Variants in TBPL2 observed in about 807,000 individuals in gnomAD.
TBPL2 encodes the protein TATA-box binding protein like 2, also known as TATA box-binding protein-like 2.
Under a neutral mutation model 38.2 loss-of-function variants are expected in TBPL2, and 40 were observed. The ratio of observed to expected loss-of-function variants is 1.05; its 90% CI spans 0.81 to 1.36. The LOEUF (loss-of-function observed/expected upper bound fraction) is 1.36, where lower values mean the gene tolerates loss of function less well. TBPL2 is among the 40% of genes most tolerant of loss of function. The probability of loss-of-function intolerance (pLI) is 0.00; values close to 1 mark genes in which losing one functional copy is unlikely to be tolerated. For synonymous variants in TBPL2, 169 were observed against 171.7 expected (o/e 0.98, Z 0.12); for missense variants, 461 against 456.7 (o/e 1.01, Z -0.09).
intron 5 of TBPL2, among the ~76,000 whole-genome samples, chr14:55,425,313 C>T (rs1426142636): frequency 6.6e-6 from 1 of 152,116 alleles, no homozygotes; most frequent in Non-Finnish European, 1.5e-5. Flanking sequence ...AGGGGGAGCC[C>T]TGAAAAACCC....
At chr14:55,425,284 C>A (rs1046061689) in intron 5 of TBPL2, among the ~76,000 whole-genome samples, 6 of 152,154 alleles carry the variant, frequency 3.9e-5, no homozygotes, top group Admixed American at 6.5e-5. Context: ...CTTCCCAACA[C>A]TGGGGAGACC....
intron 1 of TBPL2, among the ~76,000 whole-genome samples, chr14:55,437,554 T>G (rs1260439012): frequency 1.3e-5 from 2 of 152,246 alleles, no homozygotes; most frequent in Non-Finnish European, 2.9e-5. Flanking sequence ...AAAAGCATTC[T>G]TCATAAACTA....
chr14:55,430,333 C>A (rs1031869999), intron 4 of TBPL2, among the ~76,000 whole-genome samples: 1 of 151,592 alleles, frequency 6.6e-6, no homozygotes, highest in East Asian at 1.9e-4. Flanking sequence ...ACACTGCCCC[C>A]TCTTGGGTAT....
chr14:55,423,678 T>A (rs528043395), intron 6 of TBPL2, among the ~76,000 whole-genome samples: 1 of 152,330 alleles, frequency 6.6e-6, no homozygotes, highest in South Asian at 2.1e-4. Context: ...GATATGAAAT[T>A]CACATTTCAG....
At chr14:55,427,590 T>G (rs772035771) in intron 5 of TBPL2, among the ~76,000 whole-genome samples, 5 of 152,074 alleles carry the variant, frequency 3.3e-5, no homozygotes, top group Non-Finnish European at 7.4e-5. Context: ...CATCTGTGAT[T>G]AACCCAGGCC....
chr14:55,421,084 A>G (rs910587688), intron 6 of TBPL2, among the ~76,000 whole-genome samples: 10 of 151,824 alleles, frequency 6.6e-5, no homozygotes, highest in Non-Finnish European at 1.3e-4. Context: ...AAAAAGAAAA[A>G]AGAAATTTGG....
chr14:55,417,093 T>A (rs1212035250), intron 6 of TBPL2, among the ~76,000 whole-genome samples: 1 of 152,296 alleles, frequency 6.6e-6, no homozygotes, highest in African/African-American at 2.4e-5. Flanking sequence ...GATCATTATA[T>A]CATAGAGAAA....
chr14:55,429,271 G>A (rs1024776532), intron 4 of TBPL2, among the ~76,000 whole-genome samples: 1 of 152,204 alleles, frequency 6.6e-6, no homozygotes, highest in Non-Finnish European at 1.5e-5. Flanking sequence ...CGATTCCAAG[G>A]ATTCGCAAAG....
chr14:55,437,323 C>T (rs1184665456), intron 1 of TBPL2, among the ~76,000 whole-genome samples: 1 of 152,206 alleles, frequency 6.6e-6, no homozygotes, highest in Non-Finnish European at 1.5e-5. Context: ...ACTAAAAATG[C>T]AAAAATTAGC....
At chr14:55,425,709 A>G (rs1885810925) in intron 5 of TBPL2, among the ~76,000 whole-genome samples, 1 of 152,086 alleles carries the variant, frequency 6.6e-6, no homozygotes, top group Non-Finnish European at 1.5e-5. Flanking sequence ...CCCCAAGAAA[A>G]TCTTCCTTGA....
chr14:55,416,425 C>A (rs1376456936), intron 6 of TBPL2, among the ~76,000 whole-genome samples: 2 of 151,112 alleles, frequency 1.3e-5, no homozygotes, highest in African/African-American at 4.9e-5. Flanking sequence ...CACCCTGTCT[C>A]CATAAAAATA....
chr14:55,433,982 A>G (rs1885975750), intron 3 of TBPL2, among the ~76,000 whole-genome samples: 2 of 152,202 alleles, frequency 1.3e-5, no homozygotes, highest in African/African-American at 4.8e-5. Context: ...GATAGGATGA[A>G]CTTGTGTTTA....
At chr14:55,433,388 A>T (rs1885963703) in intron 4 of TBPL2, among the ~76,000 whole-genome samples, 1 of 148,658 alleles carries the variant, frequency 6.7e-6, no homozygotes, top group African/African-American at 2.5e-5. Flanking sequence ...CCTGGGCTCA[A>T]GCGATCCTCC....
chr14:55,432,716 A>G (rs1319620788), intron 4 of TBPL2, among the ~76,000 whole-genome samples: 2 of 152,222 alleles, frequency 1.3e-5, no homozygotes, highest in African/African-American at 4.8e-5. Context: ...ATGAACACTT[A>G]GTACATTTAT....
At chr14:55,423,049 C>G (rs1885769232) in intron 6 of TBPL2, among the ~76,000 whole-genome samples, 1 of 151,864 alleles carries the variant, frequency 6.6e-6, no homozygotes, top group Non-Finnish European at 1.5e-5. Context: ...ATAGTAAACT[C>G]AAATCCCGAG....
At chr14:55,433,020 A>T (rs1311759770) in intron 4 of TBPL2, among the ~76,000 whole-genome samples, 1 of 152,220 alleles carries the variant, frequency 6.6e-6, no homozygotes. Flanking sequence ...AACACACTTC[A>T]TCATTACTGT....
At chr14:55,430,875 C>T (rs1481137756) in intron 4 of TBPL2, among the ~76,000 whole-genome samples, 2 of 152,168 alleles carry the variant, frequency 1.3e-5, no homozygotes, top group Non-Finnish European at 2.9e-5. Context: ...TATTACATTT[C>T]CCGTAATGTA....
At chr14:55,439,982 C>A (rs1050521070) in intron 1 of TBPL2, among the ~76,000 whole-genome samples, 1 of 145,624 alleles carries the variant, frequency 6.9e-6, no homozygotes, top group Non-Finnish European at 1.5e-5. Flanking sequence ...TGCCTGAAAT[C>A]CCAGCTACAC....
chr14:55,428,698 C>CT (rs571276199), intron 5 of TBPL2, 109 bp downstream of exon 5: 45,426 of 932,314 alleles, frequency 0.049, 56 homozygotes, highest in South Asian at 0.051. Context: ...TGTCCCCCGC[C>CT]TTTTTTTTTT....
Sources: allele counts gnomAD v4.1 joint callset (sites outside exome capture counted in the v4.1 genomes callset), GRCh38; gene constraint gnomAD v4.1.1; transcripts MANE v1.5; gene names NCBI Gene and HGNC (gene_info 2026-07-23, HGNC 2026-07-21).